The following DSCAM variants were observed in gnomAD, a reference collection of about 807,000 sequenced individuals.
The protein encoded by DSCAM is cell adhesion molecule DSCAM.
DSCAM carries 47 observed loss-of-function variants against 217.7 expected under a neutral mutation model. That is an observed-to-expected ratio of 0.22 (90% CI 0.17 to 0.28). The LOEUF is 0.28. DSCAM is among the 10% of genes least tolerant of loss of function. DSCAM has a pLI of 1.00. For missense variants in DSCAM, 2,080 were observed against 2,618.3 expected (o/e 0.79, Z 4.49); for synonymous variants, 1,056 against 1,015.3 (o/e 1.04, Z -0.76).
chr21:40,643,420 G>A lies in DSCAM; in HGVS notation c.508+49390C>T, dbSNP rs533460962. Among the ~76,000 whole-genome samples, 152 of 152,246 alleles carry A rather than the reference G, an allele frequency of 1.0e-3. 2 individuals are homozygous for A. The South Asian group carries it at 0.022, about 22-fold the overall frequency. On this transcript the variant is annotated intron_variant, in intron 3 of 32. Transcript: ENST00000400454. ...AAAACTTTGGTTTAAATTCAGTTTCGCGAGCTGCTCAGGAGGACTTCAGAG... is the reference window on the plus strand; with the variant it reads ...AAAACTTTGGTTTAAATTCAGTTTCACGAGCTGCTCAGGAGGACTTCAGAG...
At chr21:40,791,362 T>G (rs2091641277) in intron 1 of DSCAM, among the ~76,000 whole-genome samples, 1 of 151,658 alleles carries the variant, frequency 6.6e-6, no homozygotes, top group African/African-American at 2.4e-5. Flanking sequence ...AATAGAATAA[T>G]GAAATTTTAA....
chr21:40,621,669 G>A lies in DSCAM; in HGVS notation c.508+71141C>T, dbSNP rs562133074. Reference sequence around the variant, plus strand: ...GGTTCCACCAGACCCAGGTGTCCCCGTTCCTCTCTTAGGGAGCCACCCATT... The same window carrying A: ...GGTTCCACCAGACCCAGGTGTCCCCATTCCTCTCTTAGGGAGCCACCCATT... On this transcript the variant is annotated intron_variant, in intron 3 of 32. Transcript: ENST00000400454. Among the ~76,000 whole-genome samples, 28 of 151,950 alleles carry A rather than the reference G, an allele frequency of 1.8e-4. 2 individuals carry two copies. In the South Asian group the frequency reaches 3.7e-3, roughly 20 times the overall value.
chr21:40,581,845 T>G (rs1340722797), intron 3 of DSCAM, among the ~76,000 whole-genome samples: 1 of 152,210 alleles, frequency 6.6e-6, no homozygotes, highest in Non-Finnish European at 1.5e-5. Context: ...GAAGAATTTC[T>G]TTCTTTTAAT....
intron 3 of DSCAM, among the ~76,000 whole-genome samples, chr21:40,580,139 T>A (rs1316967609): frequency 6.6e-6 from 1 of 151,380 alleles, no homozygotes; most frequent in Non-Finnish European, 1.5e-5. Flanking sequence ...TGGAGTGCAG[T>A]GGCGCGATCT....
rs969176320 is a variant in DSCAM at position 40,013,084 on chromosome 21, C to T, written c.5989G>A (p.Gly1997Ser). 8.2e-6 allele frequency: 13 copies of T among 1,578,578 alleles called. No individual in the cohort carries two copies. Among genetic ancestry groups the T allele is most frequent in the South Asian group, 4.7e-5 (4 of 84,938 alleles). Residue 1997 changes from glycine to serine, a missense_variant, in exon 33 of 33, where the codon GGC (glycine) becomes AGC (serine). Physicochemically the swap from Gly to Ser is moderately conservative, Grantham distance 56 (BLOSUM62 0). Transcript: ENST00000400454. ...TAAGGATTGTTTCCTTTCAAATGGC[C>T]CCGGGAGTCGAGCAGTGATTCTTGG... ...SSQESLLDSR[G>S]HLKGNNPYAK...
Position 40,039,424 on chromosome 21 carries a change from T to C in DSCAM, c.5686+2947A>G, listed in dbSNP as rs540227706. ...ATAATTTCTATTAATTGAAATATTT[T>C]AACCAATTTAACCAGTTGGTTTTGT... On this transcript the variant is annotated intron_variant, in intron 32 of 32. Coordinates refer to ENST00000400454, the MANE Select transcript of DSCAM (RefSeq NM_001389.5). Among the ~76,000 whole-genome samples, 14 of 152,264 alleles carry C rather than the reference T, an allele frequency of 9.2e-5. No individual in the cohort carries two copies. In the East Asian group the frequency reaches 2.7e-3, roughly 29 times the overall value.
At chr21:40,298,987 C>T (rs1315713504) in intron 9 of DSCAM, among the ~76,000 whole-genome samples, 1 of 151,950 alleles carries the variant, frequency 6.6e-6, no homozygotes, top group African/African-American at 2.4e-5. Flanking sequence ...AGAATAATTA[C>T]CCCGTATCAT....
At chr21:40,259,270 T>G (rs2073414777) in intron 11 of DSCAM, among the ~76,000 whole-genome samples, 1 of 95,258 alleles carries the variant, frequency 1.0e-5, no homozygotes, top group Non-Finnish European at 2.0e-5. Flanking sequence ...TCCTCTTTAA[T>G]GAACTCTTTT....
intron 3 of DSCAM, among the ~76,000 whole-genome samples, chr21:40,656,977 T>C (rs2090083554): frequency 6.6e-6 from 1 of 152,246 alleles, no homozygotes; most frequent in Admixed American, 6.5e-5. Flanking sequence ...AATGCAAGTA[T>C]GGGACTTGAA....
intron 3 of DSCAM, among the ~76,000 whole-genome samples, chr21:40,430,417 C>G (rs1005506294): frequency 6.6e-6 from 1 of 152,168 alleles, no homozygotes; most frequent in African/African-American, 2.4e-5. Flanking sequence ...AAATATTAAG[C>G]AGGCAGAAAA....
At chr21:40,063,931 C>T (rs768496771) in intron 27 of DSCAM, among the ~76,000 whole-genome samples, 3 of 152,082 alleles carry the variant, frequency 2.0e-5, no homozygotes, top group Non-Finnish European at 2.9e-5. Flanking sequence ...AAGATGGGGC[C>T]TGGTTTTGTG....
chr21:40,304,376 G>T (rs2074048953), intron 9 of DSCAM, among the ~76,000 whole-genome samples: 2 of 152,206 alleles, frequency 1.3e-5, no homozygotes, highest in Non-Finnish European at 2.9e-5. Context: ...AAGGGAATGT[G>T]GTGGCTGGTT....
intron 6 of DSCAM, among the ~76,000 whole-genome samples, chr21:40,340,557 A>G (rs2074480390): frequency 6.6e-6 from 1 of 152,196 alleles, no homozygotes; most frequent in South Asian, 2.1e-4. Flanking sequence ...TCATTTTGAC[A>G]TAATTGCAAT....
At chr21:40,403,306 T>TC (rs1295430359) in intron 3 of DSCAM, among the ~76,000 whole-genome samples, 1 of 152,078 alleles carries the variant, frequency 6.6e-6, no homozygotes, top group African/African-American at 2.4e-5. Context: ...AAATCTTTTT[T>TC]TTTTTTTTTG....
At chr21:40,520,245 C>G (rs536372867) in intron 3 of DSCAM, among the ~76,000 whole-genome samples, 3 of 152,126 alleles carry the variant, frequency 2.0e-5, no homozygotes, top group South Asian at 4.1e-4. Flanking sequence ...TGCTCTCATT[C>G]TAGAGGCACA....
chr21:40,487,304 C>T (rs8130841), intron 3 of DSCAM, among the ~76,000 whole-genome samples: 30 of 141,880 alleles, frequency 2.1e-4, no homozygotes, highest in African/African-American at 5.6e-4. Flanking sequence ...TGTGTGCGTG[C>T]GTGTGTGTGT....
chr21:40,235,837 G>A (rs2837526), intron 11 of DSCAM, among the ~76,000 whole-genome samples: 69,746 of 151,792 alleles, frequency 0.46, 16,441 homozygotes, highest in African/African-American at 0.57. Flanking sequence ...AGAGAGCTCC[G>A]TCACATTAGA....
intron 11 of DSCAM, among the ~76,000 whole-genome samples, chr21:40,210,770 C>T (rs974824181): frequency 4.6e-5 from 7 of 152,182 alleles, no homozygotes; most frequent in African/African-American, 1.4e-4. Context: ...GTCTCGAACT[C>T]CTGACCTCAG....
chr21:40,596,025 G>A (rs1227303914), intron 3 of DSCAM, among the ~76,000 whole-genome samples: 5 of 152,130 alleles, frequency 3.3e-5, no homozygotes, highest in South Asian at 4.1e-4. Flanking sequence ...TTTCCTTTGC[G>A]CAAGAACTAG....
Sources: gnomAD v4.1 joint callset for allele counts (sites outside exome capture counted in the v4.1 genomes callset) on GRCh38, gnomAD v4.1.1 for gene constraint, MANE v1.5 for transcripts, NCBI Gene and HGNC (gene_info 2026-07-23, HGNC 2026-07-21) for gene names.